Variants in STAU2 observed in about 807,000 individuals in gnomAD.
STAU2 encodes double-stranded RNA-binding protein Staufen homolog 2.
Under a neutral mutation model 65.9 loss-of-function variants are expected in STAU2, and 20 were observed. That is an observed-to-expected ratio of 0.30 (90% confidence interval 0.21 to 0.44). The LOEUF is 0.44. Among genes scored for constraint, STAU2 ranks in the 20% least tolerant of loss-of-function variants. The pLI is 1.00. For synonymous variants in STAU2, 232 were observed against 233.9 expected, an observed-to-expected ratio of 0.99 and a Z score of 0.07; for missense variants, 558 against 683.9, an observed-to-expected ratio of 0.82 and a Z score of 2.05.
chr8:73,687,041 C>T (rs544038917), intron 5 of STAU2, among the ~76,000 whole-genome samples: 272 of 148,922 alleles, frequency 1.8e-3, no homozygotes, highest in Non-Finnish European at 3.1e-3. Context: ...TACAGGCACG[C>T]GCCACCATGC....
intron 11 of STAU2, among the ~76,000 whole-genome samples, chr8:73,588,376 T>C (rs188650733): frequency 2.6e-5 from 4 of 152,324 alleles, no homozygotes; most frequent in Admixed American, 2.0e-4. Flanking sequence ...CATGATAGTT[T>C]AGAAAAACTG....
At chr8:73,517,091 G>A (rs1336752587) in intron 13 of STAU2, among the ~76,000 whole-genome samples, 1 of 152,022 alleles carries the variant, frequency 6.6e-6, no homozygotes, top group Non-Finnish European at 1.5e-5. Context: ...TTAATTTAGA[G>A]GGGACACTAA....
At chr8:73,733,962 T>G (rs1357834208) in intron 3 of STAU2, among the ~76,000 whole-genome samples, 10 of 152,232 alleles carry the variant, frequency 6.6e-5, no homozygotes, top group Admixed American at 4.6e-4. Flanking sequence ...TTTAAAAAAT[T>G]TACTATGGCA....
chr8:73,553,706 T>G (rs966489142), intron 12 of STAU2, among the ~76,000 whole-genome samples: 2 of 151,928 alleles, frequency 1.3e-5, no homozygotes, highest in Admixed American at 1.3e-4. Flanking sequence ...CCTTTTCTTC[T>G]GCTTGACATT....
chr8:73,745,237 T>A (rs899158915), intron 1 of STAU2, among the ~76,000 whole-genome samples: 1 of 152,260 alleles, frequency 6.6e-6, no homozygotes, highest in Non-Finnish European at 1.5e-5. Flanking sequence ...ATTAAAGTGT[T>A]ATGTGATATC....
chr8:73,687,399 A>G (rs1460717302), intron 5 of STAU2, among the ~76,000 whole-genome samples: 1 of 130,558 alleles, frequency 7.7e-6, no homozygotes, highest in Non-Finnish European at 1.6e-5. Flanking sequence ...AAAATAATAT[A>G]TTTATATTTA....
At chr8:73,654,123 T>A (rs980925814) in intron 6 of STAU2, among the ~76,000 whole-genome samples, 1 of 152,166 alleles carries the variant, frequency 6.6e-6, no homozygotes, top group Non-Finnish European at 1.5e-5. Flanking sequence ...ATTAAGCCTG[T>A]GACTCAAAAG....
At chr8:73,704,889 A>G (rs7007263) in intron 4 of STAU2, among the ~76,000 whole-genome samples, 41,958 of 151,986 alleles carry the variant, frequency 0.28, 6,299 homozygotes, top group East Asian at 0.46. Flanking sequence ...GGATGATCTC[A>G]ATCTCCTGAT....
intron 11 of STAU2, among the ~76,000 whole-genome samples, chr8:73,586,921 A>G (rs2128965257): frequency 6.6e-6 from 1 of 152,266 alleles, no homozygotes; most frequent in Non-Finnish European, 1.5e-5. Context: ...AATAAATAAC[A>G]GCAAAAATAA....
Position 73,421,173 on chromosome 8 carries a change from C to T in STAU2, c.*199G>A. On this transcript the variant is annotated 3_prime_UTR_variant, in exon 15 of 15. Coordinates refer to ENST00000524300, the MANE Select transcript of STAU2 (RefSeq NM_001164380.2). ...TGAGTTATGATCTGATCTCGAGTTC[C>T]AAGGGAAATGCTCAAAGTTTTATTT... The T allele has an allele frequency of 3.8e-6, 2 of 529,976 alleles. No homozygotes were observed. The highest frequency in any genetic ancestry group is 5.9e-5 in the South Asian group (2 of 34,102). The allele number at this position is 529,976 out of a possible 1,614,324, so 32.8% of individuals were successfully genotyped here.
At chr8:73,506,984 G>A (rs945588612) in intron 13 of STAU2, among the ~76,000 whole-genome samples, 5 of 152,082 alleles carry the variant, frequency 3.3e-5, no homozygotes, top group African/African-American at 1.2e-4. Context: ...CTATCTTCAG[G>A]TTCCATTTTT....
chr8:73,715,125 A>C (rs1821163594), intron 3 of STAU2, among the ~76,000 whole-genome samples: 1 of 152,100 alleles, frequency 6.6e-6, no homozygotes. Flanking sequence ...AACATTCATA[A>C]AATAAAAAGA....
intron 6 of STAU2, among the ~76,000 whole-genome samples, chr8:73,624,167 G>A (rs1412838882): frequency 6.6e-6 from 1 of 152,024 alleles, no homozygotes; most frequent in East Asian, 1.9e-4. Context: ...TTAATTGAAG[G>A]AAGTCTAGTC....
chr8:73,634,158 G>GT (rs1814320616), intron 6 of STAU2, among the ~76,000 whole-genome samples: 1 of 152,008 alleles, frequency 6.6e-6, no homozygotes, highest in South Asian at 2.1e-4. Context: ...AATTATATTG[G>GT]TAAAAAACTC....
At chr8:73,550,242 A>AT in intron 13 of STAU2, 1 of 985,282 alleles carries the variant, frequency 1.0e-6, no homozygotes, top group Non-Finnish European at 1.2e-6. Flanking sequence ...AAAAAAGAGT[A>AT]TATTATGTAA....
At chr8:73,434,394 G>T (rs1395147015) in intron 13 of STAU2, among the ~76,000 whole-genome samples, 1 of 151,890 alleles carries the variant, frequency 6.6e-6, no homozygotes, top group African/African-American at 2.4e-5. Context: ...TCACACATTT[G>T]TGTTGTTTTA....
intron 10 of STAU2, among the ~76,000 whole-genome samples, chr8:73,597,703 G>A (rs913962325): frequency 7.2e-6 from 1 of 139,850 alleles, no homozygotes; most frequent in Admixed American, 7.2e-5. Context: ...AAGGAATACT[G>A]AGAGCAATTT....
At chr8:73,579,201 T>G (rs539724130) in intron 12 of STAU2, among the ~76,000 whole-genome samples, 4 of 152,360 alleles carry the variant, frequency 2.6e-5, no homozygotes, top group Middle Eastern at 3.4e-3. Flanking sequence ...ATAAGAATGC[T>G]ATCTCATTCC....
chr8:73,739,700 A>G lies in STAU2; in HGVS notation c.-84+56T>C, dbSNP rs1806703833. 6 of 1,407,602 alleles carry G rather than the reference A, an allele frequency of 4.3e-6. No homozygotes were observed. The South Asian group carries it at 9.7e-5, about 23-fold the overall frequency. 87.2% of individuals were successfully genotyped at this position (1,407,602 alleles called of 1,614,324 possible). ...TATGAGAACGGGATGCTGTATAAAGAGCACACGGCCTGGATATTGGTGAAT... is the reference window on the plus strand; with the variant it reads ...TATGAGAACGGGATGCTGTATAAAGGGCACACGGCCTGGATATTGGTGAAT... On this transcript the variant is annotated intron_variant, in intron 2 of 14. Coordinates refer to ENST00000524300, the MANE Select transcript of STAU2 (RefSeq NM_001164380.2).
Sources: gnomAD v4.1 joint callset for allele counts (sites outside exome capture counted in the v4.1 genomes callset) on GRCh38, gnomAD v4.1.1 for gene constraint, MANE v1.5 for transcripts, NCBI Gene and HGNC (gene_info 2026-07-23, HGNC 2026-07-21) for gene names.